The following TNNI3K variants were observed in gnomAD, a reference collection of about 807,000 sequenced individuals.
TNNI3K encodes serine/threonine-protein kinase TNNI3K.
A neutral mutation model predicts 114.5 loss-of-function variants in TNNI3K; 140 were observed. The observed-to-expected ratio is 1.22, with a 90% confidence interval of 1.07 to 1.41. The LOEUF is 1.41. TNNI3K is among the 40% of genes most tolerant of loss of function. The probability of loss-of-function intolerance (pLI) is 0.00; values close to 1 mark genes in which losing one functional copy is unlikely to be tolerated. For missense variants in TNNI3K, 1,125 were observed against 1,007.6 expected (o/e 1.12, Z -1.58); for synonymous variants, 347 against 347.5 (o/e 1.00, Z 0.02).
At chr1:74,358,365 A>G (rs569792976) in intron 11 of TNNI3K, among the ~76,000 whole-genome samples, 2 of 152,232 alleles carry the variant, frequency 1.3e-5, no homozygotes, top group East Asian at 1.9e-4. Flanking sequence ...CTCCTGTACC[A>G]TGATATATAC....
At chr1:74,257,663 C>CTTTTTTTTTTTT (rs66853287) in intron 4 of TNNI3K, among the ~76,000 whole-genome samples, 1 of 87,242 alleles carries the variant, frequency 1.1e-5, no homozygotes, top group Admixed American at 1.3e-4. Flanking sequence ...TGGCTTACCT[C>CTTTTTTTTTTTT]TTTTTTTTTT....
intron 4 of TNNI3K, among the ~76,000 whole-genome samples, chr1:74,264,074 A>G (rs1163640625): frequency 1.3e-5 from 2 of 151,936 alleles, no homozygotes; most frequent in Non-Finnish European, 2.9e-5. Context: ...ATGAGAAAAT[A>G]GAAGAAGGAG....
At chr1:74,412,533 T>C (rs993847943) in intron 17 of TNNI3K, among the ~76,000 whole-genome samples, 1 of 152,198 alleles carries the variant, frequency 6.6e-6, no homozygotes, top group Admixed American at 6.5e-5. Flanking sequence ...TTGGGAGTTT[T>C]AAGATACCTA....
At chr1:74,399,313 G>C (rs1306343657) in intron 17 of TNNI3K, among the ~76,000 whole-genome samples, 7 of 152,002 alleles carry the variant, frequency 4.6e-5, no homozygotes, top group Admixed American at 3.9e-4. Context: ...ATTTAGGTAG[G>C]ACTACTGACC....
chr1:74,310,627 T>C (rs965309393), intron 5 of TNNI3K, among the ~76,000 whole-genome samples: 1 of 152,090 alleles, frequency 6.6e-6, no homozygotes, highest in African/African-American at 2.4e-5. Flanking sequence ...GGCATATAGA[T>C]TAACAGAACA....
rs533665665 is a variant in TNNI3K at position 74,393,408 on chromosome 1, A to G, written c.1772+23016A>G. Among the ~76,000 whole-genome samples the G allele has an allele frequency of 3.3e-5, 5 of 152,350 alleles. No homozygotes were observed. In the East Asian group the frequency reaches 9.6e-4, roughly 29 times the overall value. On this transcript the variant is annotated intron_variant, in intron 17 of 24. Transcript: ENST00000326637. The stretch of plus-strand genomic sequence containing the variant: ...AAATTTATATGGGCCTGGAACATCT[A>G]TCAAAAGAACGTGAGCTTACTTTAT...
At chr1:74,475,116 C>CCACACA (rs3058791) in intron 21 of TNNI3K, among the ~76,000 whole-genome samples, 13,970 of 135,828 alleles carry the variant, frequency 0.1, 728 homozygotes, top group East Asian at 0.14. Flanking sequence ...CCACCTCAGC[C>CCACACA]CACACACACA....
At chr1:74,423,160 C>T (rs113202715) in intron 17 of TNNI3K, among the ~76,000 whole-genome samples, 108 of 152,066 alleles carry the variant, frequency 7.1e-4, no homozygotes, top group African/African-American at 2.4e-3. Flanking sequence ...CTTCCACCAC[C>T]ACTTCCCCTC....
intron 4 of TNNI3K, among the ~76,000 whole-genome samples, chr1:74,255,538 G>A (rs1655232942): frequency 6.6e-6 from 1 of 152,110 alleles, no homozygotes; most frequent in Non-Finnish European, 1.5e-5. Context: ...TAATAAAAGT[G>A]AAGCAGATAT....
intron 5 of TNNI3K, among the ~76,000 whole-genome samples, chr1:74,312,852 A>G (rs978644324): frequency 2.6e-5 from 4 of 152,190 alleles, no homozygotes; most frequent in Admixed American, 2.6e-4. Flanking sequence ...TTTATTTCCT[A>G]CAATACTGCT....
Position 74,352,211 on chromosome 1 carries a change from G to A in TNNI3K, c.933-1055G>A, listed in dbSNP as rs897617175. On this transcript the variant is annotated intron_variant, in intron 9 of 24. Transcript: ENST00000326637. Reference sequence around the variant, plus strand: ...AGTCAGGACCCTCAGCTGCAGGTCTGTTGGAGTTTACTGGAGGTCCACTCC... The same window carrying A: ...AGTCAGGACCCTCAGCTGCAGGTCTATTGGAGTTTACTGGAGGTCCACTCC... Among the ~76,000 whole-genome samples, 21 of 152,352 alleles carry A rather than the reference G, an allele frequency of 1.4e-4. No individual in the cohort carries two copies. In the East Asian group the frequency reaches 3.7e-3, roughly 27 times the overall value.
intron 23 of TNNI3K, among the ~76,000 whole-genome samples, chr1:74,520,790 A>G (rs1646421263): frequency 6.6e-6 from 1 of 152,094 alleles, no homozygotes; most frequent in South Asian, 2.1e-4. Flanking sequence ...GAGTTGCAAC[A>G]TGTGGGTTGC....
chr1:74,534,984 C>G (rs535966834), intron 23 of TNNI3K, among the ~76,000 whole-genome samples: 14 of 152,296 alleles, frequency 9.2e-5, no homozygotes, highest in African/African-American at 3.4e-4. Flanking sequence ...ACTAACAGCA[C>G]ACTGAGTAGC....
chr1:74,370,624 T>C (rs1662545444), intron 17 of TNNI3K: 2 of 327,986 alleles, frequency 6.1e-6, no homozygotes, highest in Non-Finnish European at 5.5e-6. Flanking sequence ...TATTCACAAA[T>C]ATAGTAATAT....
Position 74,276,841 on chromosome 1 carries a change from A to G in TNNI3K, c.444+5133A>G, listed in dbSNP as rs923692689. Among the ~76,000 whole-genome samples the G allele has an allele frequency of 4.6e-5, 7 of 152,236 alleles. No homozygotes were observed. In the East Asian group the frequency reaches 1.4e-3, roughly 29 times the overall value. ...CATTGACTAGGCAGCTGTCTTCTTC[A>G]ATAATAGAAGAGAACATGTGCTGCA... On this transcript the variant is annotated intron_variant, in intron 5 of 24. Coordinates refer to ENST00000326637, the MANE Select transcript of TNNI3K (RefSeq NM_015978.3).
chr1:74,429,428 CT>C (rs1325893651), intron 17 of TNNI3K, among the ~76,000 whole-genome samples: 1 of 152,078 alleles, frequency 6.6e-6, no homozygotes, highest in Non-Finnish European at 1.5e-5. Flanking sequence ...TAATCAGCTC[CT>C]TGAAACAAAT....
intron 17 of TNNI3K, among the ~76,000 whole-genome samples, chr1:74,396,461 G>A (rs1163802397): frequency 3.3e-5 from 5 of 152,208 alleles, no homozygotes; most frequent in African/African-American, 7.2e-5. Context: ...AGATCACCTC[G>A]GTTTATCAGA....
At chr1:74,363,391 C>T (rs1241033344) in intron 11 of TNNI3K, among the ~76,000 whole-genome samples, 1 of 151,992 alleles carries the variant, frequency 6.6e-6, no homozygotes, top group Non-Finnish European at 1.5e-5. Context: ...TCCTGGCAGC[C>T]TCATGCTTAT....
intron 23 of TNNI3K, among the ~76,000 whole-genome samples, chr1:74,493,394 A>T (rs1230102620): frequency 6.6e-6 from 1 of 152,212 alleles, no homozygotes; most frequent in Non-Finnish European, 1.5e-5. Flanking sequence ...AAGCAAAAAC[A>T]AAAAGATTAA....
Sources: allele counts gnomAD v4.1 joint callset (sites outside exome capture counted in the v4.1 genomes callset), GRCh38; gene constraint gnomAD v4.1.1; transcripts MANE v1.5; gene names NCBI Gene and HGNC (gene_info 2026-07-23, HGNC 2026-07-21).